Variants in ASAH2B observed in about 807,000 individuals in gnomAD.
The protein encoded by ASAH2B is putative inactive neutral ceramidase B.
In ASAH2B, 1 loss-of-function variant was observed where a neutral mutation model predicts 2.9. The ratio of observed to expected loss-of-function variants is 0.34; its 90% confidence interval spans 0.12 to 1.63. ASAH2B has a LOEUF of 1.63. ASAH2B is among the 40% of genes most tolerant of loss of function. The pLI is 0.36. For missense variants in ASAH2B, 9 were observed against 37.7 expected (o/e 0.24, Z 1.99); for synonymous variants, 4 against 13.3 (o/e 0.30, Z 1.52).
At position 50,757,564 on chromosome 10, in the gene ASAH2B, G is replaced by GCT. The variant is rs1837121717; in HGVS notation, c.*2824_*2825insCT. ...TGCCCTCTTATGCTTCTCCTCCAAT[G>GCT]TAAGCAAGCTTACTGTCTTTTTCTA... On this transcript the variant is annotated 3_prime_UTR_variant, in exon 6 of 6. Transcript: ENST00000647317. 1 of 147,872 alleles carries GCT rather than the reference G, an allele frequency of 6.8e-6. No homozygotes were observed. The highest frequency in any genetic ancestry group is 2.5e-5 in the African/African-American group (1 of 40,706). 9.2% of individuals were successfully genotyped at this position (147,872 alleles called of 1,614,324 possible). A position where few individuals can be genotyped will look rare whatever the true frequency, so the allele number is the denominator to read the frequency against.
chr10:50,742,821 G>T (rs1321091102), intron 1 of ASAH2B, 94 bp from the exon 2 acceptor site: 4 of 1,207,692 alleles, frequency 3.3e-6, no homozygotes, highest in Non-Finnish European at 4.9e-6. Context: ...AATAATGTGA[G>T]ATGTCAAGCA....
Position 50,756,309 on chromosome 10 carries a change from A to T in ASAH2B, c.*1569A>T, listed in dbSNP as rs1418063883. The T allele has an allele frequency of 2.0e-5, 3 of 151,516 alleles. No homozygotes were observed. The Admixed American group carries it at 2.0e-4, about 10-fold the overall frequency. 9.4% of individuals were successfully genotyped at this position (151,516 alleles called of 1,614,324 possible). A position where few individuals can be genotyped will look rare whatever the true frequency, so the allele number is the denominator to read the frequency against. On this transcript the variant is annotated 3_prime_UTR_variant, in exon 6 of 6. Transcript: ENST00000647317. ...TAGAATGAACCTGGAACACTTTTTGATGAATTGGTATCCTAGAGGCTGTTT... is the reference window on the plus strand; with the variant it reads ...TAGAATGAACCTGGAACACTTTTTGTTGAATTGGTATCCTAGAGGCTGTTT...
In ASAH2B at chr10:50,746,459, C is replaced by T. The variant is rs1057298998; in HGVS notation, c.144+1185C>T. Among the ~76,000 whole-genome samples the T allele has an allele frequency of 6.6e-5, 10 of 151,090 alleles. 1 individual carries two copies. The highest frequency in any genetic ancestry group is 1.7e-4 in the African/African-American group (7 of 40,646). The stretch of plus-strand genomic sequence containing the variant: ...CTATTGTGAACAGTGCTGCAATAAA[C>T]ATGGGAGTTCACATATCTCTTCAAC... On this transcript the variant is annotated intron_variant, in intron 3 of 5. Transcript: ENST00000647317.
At chr10:50,745,663 G>C (rs1839894966) in intron 3 of ASAH2B, among the ~76,000 whole-genome samples, 1 of 149,404 alleles carries the variant, frequency 6.7e-6, no homozygotes, top group South Asian at 2.1e-4. Context: ...AGTTTTTCTG[G>C]GGGGAGGAGG....
chr10:50,739,996 G>C lies in ASAH2B; in HGVS notation c.-100+13G>C, dbSNP rs1341284221. The C allele has an allele frequency of 6.1e-6, 1 of 162,842 alleles. No homozygotes were observed. Among genetic ancestry groups the C allele is most frequent in the Non-Finnish European group, 1.5e-5 (1 of 68,426 alleles). 10.1% of individuals were successfully genotyped at this position (162,842 alleles called of 1,614,324 possible). A position where few individuals can be genotyped will look rare whatever the true frequency, so the allele number is the denominator to read the frequency against. On this transcript the variant is annotated intron_variant, in intron 1 of 5. Transcript: ENST00000647317. ...CAATTGTGAACAGGTTCGGTGCTGC[G>C]GCTGGGGTAGGCGGCAGTGGGGTCC...
At chr10:50,743,288 G>A (rs2942767) in intron 2 of ASAH2B, among the ~76,000 whole-genome samples, 2,145 of 151,620 alleles carry the variant, frequency 0.014, 54 homozygotes, top group African/African-American at 0.048. Flanking sequence ...TGTGAAATTA[G>A]GGAGATATCA....
At chr10:50,743,176 C>G (rs61857129) in intron 2 of ASAH2B, among the ~76,000 whole-genome samples, 166 bp downstream of exon 2, 3,059 of 152,122 alleles carry the variant, frequency 0.02, 45 homozygotes, top group Middle Eastern at 0.075. Context: ...GTATCTCTAA[C>G]AAAATAAATA....
chr10:50,746,134 T>C (rs777445434), intron 3 of ASAH2B, among the ~76,000 whole-genome samples: 1 of 151,520 alleles, frequency 6.6e-6, no homozygotes, highest in African/African-American at 2.4e-5. Flanking sequence ...CAATAGAATA[T>C]AAAATTTCAA....
intron 5 of ASAH2B, among the ~76,000 whole-genome samples, chr10:50,753,144 GATA>G (rs1839996562): frequency 6.7e-6 from 1 of 148,344 alleles, no homozygotes; most frequent in Admixed American, 6.8e-5. Flanking sequence ...TTGAAGATTT[GATA>G]ATGTGTCTGA....
Position 50,756,053 on chromosome 10 carries a change from A to T in ASAH2B, c.*1313A>T, listed in dbSNP as rs1213679992. 1 of 97,794 alleles carries T rather than the reference A, an allele frequency of 1.0e-5. No individual in the cohort carries two copies. Among genetic ancestry groups the T allele is most frequent in the African/African-American group, 2.6e-5 (1 of 38,930 alleles). The allele number at this position is 97,794 out of a possible 1,614,324, so 6.1% of individuals were successfully genotyped here. On this transcript the variant is annotated 3_prime_UTR_variant, in exon 6 of 6. Transcript: ENST00000647317. ...AATCTGACATCGATTGTCTGAAAGTACTAATTGCATTTAAAATTCTTTAAG... is the reference window on the plus strand; with the variant it reads ...AATCTGACATCGATTGTCTGAAAGTTCTAATTGCATTTAAAATTCTTTAAG...
At chr10:50,742,310 G>T (rs954552260) in intron 1 of ASAH2B, among the ~76,000 whole-genome samples, 12 of 152,062 alleles carry the variant, frequency 7.9e-5, no homozygotes, top group African/African-American at 2.7e-4. Context: ...GGTAACTGCC[G>T]GCTGATCCTC....
In ASAH2B at chr10:50,755,034, T is replaced by C. The variant is rs926259128; in HGVS notation, c.*294T>C. 2 of 379,370 alleles carry C rather than the reference T, an allele frequency of 5.3e-6. No homozygotes were observed. The highest frequency in any genetic ancestry group is 2.4e-5 in the African/African-American group (1 of 42,350). The allele number at this position is 379,370 out of a possible 1,614,324, so 23.5% of individuals were successfully genotyped here. A position where few individuals can be genotyped will look rare whatever the true frequency, so the allele number is the denominator to read the frequency against. On this transcript the variant is annotated 3_prime_UTR_variant, in exon 6 of 6. Transcript: ENST00000647317. ...CTACAGCCTAAAGCATGATTTCCCT[T>C]GAAGTCTTGGGGTTGTTTAAAGGAG...
At chr10:50,746,867 G>T (rs1199128033) in intron 3 of ASAH2B, among the ~76,000 whole-genome samples, 1 of 150,990 alleles carries the variant, frequency 6.6e-6, no homozygotes, top group African/African-American at 2.5e-5. Flanking sequence ...TCTTGCTATA[G>T]AGTTGTTTGA....
chr10:50,757,520 T>C lies in ASAH2B; in HGVS notation c.*2780T>C, dbSNP rs1432480988. 1 of 147,938 alleles carries C rather than the reference T, an allele frequency of 6.8e-6. No homozygotes were observed. The highest frequency in any genetic ancestry group is 2.1e-4 in the East Asian group (1 of 4,806). 9.2% of individuals were successfully genotyped at this position (147,938 alleles called of 1,614,324 possible). On this transcript the variant is annotated 3_prime_UTR_variant, in exon 6 of 6. Coordinates refer to ENST00000647317, the MANE Select transcript of ASAH2B (RefSeq NM_001321958.2). ...AAAAGACCAAGAATGAATTTACTTA[T>C]GAATGTCCTTTTCTAATGTGCCCTC... is the stretch of plus-strand genomic sequence containing the variant.
chr10:50,753,079 A>G lies in ASAH2B; in HGVS notation c.293+523A>G, dbSNP rs1357808819. 1.7e-3 allele frequency among the ~76,000 whole-genome samples: 245 copies of G among 145,130 alleles called. 1 individual carries two copies. Among genetic ancestry groups the G allele is most frequent in the East Asian group, 0.014 (53 of 3,774 alleles). ...GATAATATATTCAGGCAATTTCTCC[A>G]GAGAGACATATCTCTTTGCCTTTTG... On this transcript the variant is annotated intron_variant, in intron 5 of 5. Transcript: ENST00000647317.
At chr10:50,743,983 C>G (rs1839871309) in intron 2 of ASAH2B, among the ~76,000 whole-genome samples, 1 of 149,348 alleles carries the variant, frequency 6.7e-6, no homozygotes, top group Non-Finnish European at 1.5e-5. Flanking sequence ...TTTGAAATTT[C>G]AGTATTTTAT....
At chr10:50,748,736 G>C (rs1839943067) in intron 3 of ASAH2B, among the ~76,000 whole-genome samples, 3 of 149,814 alleles carry the variant, frequency 2.0e-5, no homozygotes, top group Admixed American at 2.0e-4. Flanking sequence ...TGCCAGACTT[G>C]GCCTGAATTC....
At chr10:50,748,978 A>C (rs1314642827) in intron 3 of ASAH2B, among the ~76,000 whole-genome samples, 2 of 151,934 alleles carry the variant, frequency 1.3e-5, no homozygotes, top group African/African-American at 4.8e-5. Context: ...CATAAATATG[A>C]GTCATCTGTG....
In ASAH2B at chr10:50,742,837, C is replaced by T. The variant is rs535430308; in HGVS notation, c.-99-78C>T. 32 of 1,441,828 alleles carry T rather than the reference C, an allele frequency of 2.2e-5. No individual in the cohort carries two copies. In the Middle Eastern group the frequency reaches 6.7e-4, roughly 30 times the overall value. 89.3% of individuals were successfully genotyped at this position (1,441,828 alleles called of 1,614,324 possible). A position where few individuals can be genotyped will look rare whatever the true frequency, so the allele number is the denominator to read the frequency against. ...ATAATGTGAGATGTCAAGCATCACA[C>T]TTACCTAAAATGCTACACCTCTGTA... is the stretch of plus-strand genomic sequence containing the variant. On this transcript the variant is annotated intron_variant, in intron 1 of 5. Transcript: ENST00000647317.
Sources: gnomAD v4.1 joint callset for allele counts (sites outside exome capture counted in the v4.1 genomes callset) on GRCh38, gnomAD v4.1.1 for gene constraint, MANE v1.5 for transcripts, NCBI Gene and HGNC (gene_info 2026-07-23, HGNC 2026-07-21) for gene names.